Variants in NOTCH2 observed in about 807,000 individuals in gnomAD.
The protein encoded by NOTCH2 is notch receptor 2.
Under a neutral mutation model 235.8 loss-of-function variants are expected in NOTCH2, and 29 were observed. The observed-to-expected ratio is 0.12, with a 90% CI of 0.09 to 0.17. The LOEUF is 0.17. NOTCH2 is among the 10% of genes least tolerant of loss of function. The pLI is 1.00. For missense variants in NOTCH2, 2,285 were observed against 3,150.2 expected (o/e 0.73, Z 6.57); for synonymous variants, 1,086 against 1,141.5 (o/e 0.95, Z 0.98).
rs777931587 is a variant in NOTCH2 at position 119,918,457 on chromosome 1, C to T, written c.5878G>A (p.Val1960Met). ...GCTTGGCAGTTGATCAGTTCTGCCA[C>T]CATTCCCTCCACAGCCAGGCGGGCA... is the stretch of plus-strand genomic sequence containing the variant. ...LAARLAVEGMVAELINCQADV... is the reference protein window; with the variant it reads ...LAARLAVEGMMAELINCQADV... The change falls in exon 32 of 34, where the codon GTG (valine) becomes ATG (methionine). Residue 1960 changes from valine to methionine, a missense_variant. Val to Met is a conservative substitution (Grantham distance 21). Coordinates refer to ENST00000256646, the MANE Select transcript of NOTCH2 (RefSeq NM_024408.4). The T allele has an allele frequency of 1.4e-5, 23 of 1,614,070 alleles. No individual in the cohort carries two copies. In the African/African-American group the frequency reaches 3.1e-4, roughly 22 times the overall value.
chr1:120,007,562 C>T (rs1262148837), intron 2 of NOTCH2, among the ~76,000 whole-genome samples: 3 of 147,324 alleles, frequency 2.0e-5, no homozygotes, highest in African/African-American at 7.8e-5. Flanking sequence ...TGGTGGTGCA[C>T]GCTTGTAATC....
chr1:120,045,294 CT>C (rs1451167010), intron 1 of NOTCH2, among the ~76,000 whole-genome samples: 23 of 65,820 alleles, frequency 3.5e-4, no homozygotes, highest in African/African-American at 2.8e-3. Context: ...ATTTTTCTTA[CT>C]TTTAGTTACA....
chr1:119,934,624 C>T (rs1285976965), intron 22 of NOTCH2, among the ~76,000 whole-genome samples: 1 of 152,174 alleles, frequency 6.6e-6, no homozygotes, highest in Non-Finnish European at 1.5e-5. Context: ...TTTAGTCAAA[C>T]TCTGATACCT....
intron 1 of NOTCH2, among the ~76,000 whole-genome samples, chr1:120,045,789 C>T (rs1301470791): frequency 2.6e-5 from 4 of 152,184 alleles, no homozygotes; most frequent in Non-Finnish European, 5.9e-5. Flanking sequence ...AAAAGATAAG[C>T]TACAAACAAA....
Position 119,923,777 on chromosome 1 carries a change from G to A in NOTCH2, c.4719C>T (p.Leu1573=), listed in dbSNP as rs866261703. 3.7e-6 allele frequency: 6 copies of A among 1,614,036 alleles called. No homozygotes were observed. The highest frequency in any genetic ancestry group is 1.1e-5 in the South Asian group (1 of 91,092). ...RSFLRALGTL[L]HTNLRIKRDS... ...CCCGCTTAATGCGCAGGTTGGTGTG[G>A]AGCAGGGTACCCAGTGCCCGCAAGA... is the stretch of plus-strand genomic sequence containing the variant. Residue 1573 remains leucine, a synonymous_variant, in exon 26 of 34, where the codon CTC becomes CTT. Coordinates refer to ENST00000256646, the MANE Select transcript of NOTCH2 (RefSeq NM_024408.4).
intron 4 of NOTCH2, among the ~76,000 whole-genome samples, chr1:119,987,819 GGCTCTTCTCTAAACTTACA>G (rs1347998726): frequency 6.6e-6 from 1 of 152,088 alleles, no homozygotes; most frequent in Non-Finnish European, 1.5e-5. Context: ...AAATTCATCA[GGCTCTTCTCTAAACTTACA>G]GCATTGCTTC....
intron 1 of NOTCH2, among the ~76,000 whole-genome samples, chr1:120,059,213 TC>T (rs1655230463): frequency 2.0e-5 from 2 of 101,544 alleles, no homozygotes; most frequent in South Asian, 4.1e-4. Context: ...TAGGTTTCCT[TC>T]CTTGGTTGAT....
intron 14 of NOTCH2, among the ~76,000 whole-genome samples, chr1:119,952,276 G>A (rs1177229016): frequency 6.6e-6 from 1 of 152,156 alleles, no homozygotes; most frequent in Non-Finnish European, 1.5e-5. Context: ...GATTGGTTTC[G>A]TGGAAGACAA....
At chr1:119,927,696 C>T (rs1316345135) in intron 23 of NOTCH2, among the ~76,000 whole-genome samples, 3 of 152,158 alleles carry the variant, frequency 2.0e-5, no homozygotes, top group Non-Finnish European at 2.9e-5. Context: ...AAACAGGAGC[C>T]AGTTTTGATG....
intron 6 of NOTCH2, 130 bp from the exon 7 acceptor site, chr1:119,968,362 A>G (rs1473562613): frequency 1.9e-6 from 2 of 1,040,836 alleles, no homozygotes; most frequent in African/African-American, 3.2e-5. Flanking sequence ...TTTATACGCA[A>G]CTTCTGCTTT....
At chr1:119,954,358 A>G (rs1650601364) in intron 13 of NOTCH2, among the ~76,000 whole-genome samples, 1 of 152,230 alleles carries the variant, frequency 6.6e-6, no homozygotes, top group Non-Finnish European at 1.5e-5. Flanking sequence ...ACTCTGAAAC[A>G]CCAATACTGA....
At chr1:120,001,577 T>C (rs1553205392) in intron 3 of NOTCH2, among the ~76,000 whole-genome samples, 1 of 152,046 alleles carries the variant, frequency 6.6e-6, no homozygotes. Flanking sequence ...ACCTTTGATA[T>C]GGCACTATTC....
rs967051074 is a variant in NOTCH2 at position 119,914,294 on chromosome 1, C to CT, written c.*1011dup. ...AATGCTTGGCAGGAAGTAGGGGGAC[C>CT]TGTGGGTGGGTAACTGGCTCTTGCA... On this transcript the variant is annotated 3_prime_UTR_variant, in exon 34 of 34. Coordinates refer to ENST00000256646, the MANE Select transcript of NOTCH2 (RefSeq NM_024408.4). 3.4e-5 allele frequency: 8 copies of CT among 233,028 alleles called. No individual in the cohort carries two copies. Among genetic ancestry groups the CT allele is most frequent in the African/African-American group, 1.8e-4 (8 of 45,316 alleles). 14.4% of individuals were successfully genotyped at this position (233,028 alleles called of 1,614,324 possible). A position where few individuals can be genotyped will look rare whatever the true frequency, so the allele number is the denominator to read the frequency against.
At chr1:119,940,228 T>C (rs1650015017) in intron 19 of NOTCH2, among the ~76,000 whole-genome samples, 1 of 152,250 alleles carries the variant, frequency 6.6e-6, no homozygotes, top group Admixed American at 6.5e-5. Context: ...GATTATTCTC[T>C]ATTTTCTTCA....
intron 25 of NOTCH2, among the ~76,000 whole-genome samples, chr1:119,925,040 A>G (rs966153943): frequency 6.6e-6 from 1 of 152,230 alleles, no homozygotes; most frequent in African/African-American, 2.4e-5. Flanking sequence ...CACCACTTCC[A>G]AAAGTTATAT....
intron 18 of NOTCH2, 106 bp from the exon 19 acceptor site, chr1:119,940,862 GAGCAACCCA>G: frequency 4.1e-6 from 4 of 986,842 alleles, no homozygotes; most frequent in Non-Finnish European, 6.3e-6. Context: ...AAATACCTCT[GAGCAACCCA>G]TATCCCTTAA....
chr1:119,936,387 C>A, intron 21 of NOTCH2, among the ~76,000 whole-genome samples: 1 of 152,124 alleles, frequency 6.6e-6, no homozygotes, highest in African/African-American at 2.4e-5. Context: ...GTCTGTATGG[C>A]CCCAGGGTAT....
chr1:120,067,744 T>C (rs1655563810), intron 1 of NOTCH2, among the ~76,000 whole-genome samples: 1 of 152,216 alleles, frequency 6.6e-6, no homozygotes, highest in Non-Finnish European at 1.5e-5. Flanking sequence ...CACCATCATA[T>C]ATGCTCTTTA....
Position 119,922,746 on chromosome 1 carries a change from T to C in NOTCH2, c.4892A>G (p.Gln1631Arg). 3.1e-6 allele frequency: 5 copies of C among 1,614,172 alleles called. No individual in the cohort carries two copies. The highest frequency in any genetic ancestry group is 4.2e-6 in the Non-Finnish European group (5 of 1,180,028). Reference protein sequence around the residue: ...SKVFLEIDNRQCVQDSDHCFK... With the variant: ...SKVFLEIDNRRCVQDSDHCFK... ...GCAGTGGTCTGAGTCTTGAACACACTGGCGGTTGTCAATTTCCAGAAAGAC... is the reference window on the plus strand; with the variant it reads ...GCAGTGGTCTGAGTCTTGAACACACCGGCGGTTGTCAATTTCCAGAAAGAC... Residue 1631 changes from glutamine to arginine, a missense_variant, in exon 27 of 34, where the codon CAG becomes CGG. Gln to Arg is a conservative substitution (Grantham distance 43, BLOSUM62 1). Coordinates refer to ENST00000256646, the MANE Select transcript of NOTCH2 (RefSeq NM_024408.4).
Sources: allele counts gnomAD v4.1 joint callset (sites outside exome capture counted in the v4.1 genomes callset), GRCh38; gene constraint gnomAD v4.1.1; transcripts MANE v1.5; gene names NCBI Gene and HGNC (gene_info 2026-07-23, HGNC 2026-07-21).